STYX: variants seen among roughly 807,000 people sequenced by gnomAD.
STYX encodes the protein serine/threonine/tyrosine-interacting protein.
In STYX, 20 loss-of-function variants were observed where a neutral mutation model predicts 42.7. The observed-to-expected ratio is 0.47, with a 90% confidence interval of 0.33 to 0.68. STYX has a LOEUF of 0.68. STYX is among the 30% of genes least tolerant of loss of function. The pLI, the probability that STYX is intolerant of heterozygous loss-of-function variation, is 0.02. For missense variants in STYX, 226 were observed against 268.5 expected (o/e 0.84, Z 1.11); for synonymous variants, 78 against 81.9 (o/e 0.95, Z 0.26).
chr14:52,740,430 C>T (rs554596591), intron 1 of STYX, among the ~76,000 whole-genome samples: 15 of 152,126 alleles, frequency 9.9e-5, no homozygotes, highest in East Asian at 3.9e-4. Context: ...GTATGTTTGC[C>T]GTAAAGTTCA....
At chr14:52,732,308 C>T (rs1880759768) in intron 1 of STYX, among the ~76,000 whole-genome samples, 1 of 148,446 alleles carries the variant, frequency 6.7e-6, no homozygotes, top group African/African-American at 2.5e-5. Flanking sequence ...ACTCTGTCGC[C>T]CAGGCTGGAA....
intron 1 of STYX, among the ~76,000 whole-genome samples, chr14:52,734,068 C>T (rs759846326): frequency 6.6e-6 from 1 of 152,130 alleles, no homozygotes; most frequent in African/African-American, 2.4e-5. Flanking sequence ...TTGTGGACAG[C>T]GACCATTCAG....
intron 1 of STYX, among the ~76,000 whole-genome samples, chr14:52,739,632 CT>C (rs58454717): frequency 0.28 from 18,761 of 66,222 alleles, 843 homozygotes; most frequent in Middle Eastern, 0.38. Flanking sequence ...TCCTTTCTTT[CT>C]TTTTTTTTTT....
intron 1 of STYX, among the ~76,000 whole-genome samples, chr14:52,736,907 A>T (rs995229784): frequency 1.1e-4 from 16 of 152,290 alleles, no homozygotes; most frequent in African/African-American, 3.9e-4. Flanking sequence ...CTTTGATTTA[A>T]GCAAAGCTCA....
chr14:52,755,120 T>TG lies in STYX; in HGVS notation c.243-1430dup, dbSNP rs201987189. Among the ~76,000 whole-genome samples the TG allele has an allele frequency of 1.2e-4, 14 of 112,296 alleles. No homozygotes were observed. In the East Asian group the frequency reaches 4.2e-3, roughly 33 times the overall value. 73.7% of individuals were successfully genotyped at this position (112,296 alleles called of 152,430 possible). On this transcript the variant is annotated intron_variant, in intron 4 of 10. Coordinates refer to ENST00000354586, the MANE Select transcript of STYX (RefSeq NM_145251.4). ...CTGTGTTTTTTTTTGTTTGTTTTTTTGTTTTTTTTTTTTTGTTTTTGAAAC... is the reference window on the plus strand; with the variant it reads ...CTGTGTTTTTTTTTGTTTGTTTTTTTGGTTTTTTTTTTTTTGTTTTTGAAAC...
rs767875662 is a variant in STYX, at chr14:52,750,686, C to T, written c.148C>T (p.Pro50Ser). 6.4e-7 allele frequency: 1 copy of T among 1,556,134 alleles called. No individual in the cohort carries two copies. Among genetic ancestry groups the T allele is most frequent in the East Asian group, 2.3e-5 (1 of 42,780 alleles). Residue 50 changes from proline to serine, a missense_variant, in exon 4 of 11, where the codon CCT (proline) becomes TCT (serine). By Grantham distance (74) the Pro-to-Ser change is moderately conservative. Transcript: ENST00000354586. Reference protein sequence around the residue: ...PYSSAMKSKLPVLQKHGITHI... With the variant: ...PYSSAMKSKLSVLQKHGITHI... ...CCCTGCTTTTTTTTTTATACAGCTA[C>T]CTGTACTACAGAAACATGGAATAAC...
chr14:52,757,251 G>T lies in STYX; in HGVS notation c.304-68G>T, dbSNP rs989402366. 1.2e-5 allele frequency: 15 copies of T among 1,228,612 alleles called. No individual in the cohort carries two copies. The African/African-American group carries it at 1.7e-4, about 14-fold the overall frequency. The allele number at this position is 1,228,612 out of a possible 1,614,324, so 76.1% of individuals were successfully genotyped here. Reference sequence around the variant, plus strand: ...TAAATTAGGAAATTGTTTTCAATAGGTTTCATTTTGTTTCATTATATGCAT... The same window carrying T: ...TAAATTAGGAAATTGTTTTCAATAGTTTTCATTTTGTTTCATTATATGCAT... On this transcript the variant is annotated intron_variant, in intron 5 of 10. Transcript: ENST00000354586.
intron 8 of STYX, among the ~76,000 whole-genome samples, chr14:52,758,503 T>G (rs1881963166): frequency 6.6e-6 from 1 of 152,198 alleles, no homozygotes; most frequent in Admixed American, 6.5e-5. Flanking sequence ...TCAGTCCCCT[T>G]TTATATCTAA....
At chr14:52,770,866 T>C (rs1264441169) in intron 10 of STYX, among the ~76,000 whole-genome samples, 167 bp from the exon 11 acceptor site, 7 of 152,140 alleles carry the variant, frequency 4.6e-5, no homozygotes, top group African/African-American at 1.2e-4. Context: ...TAAAAAGTTA[T>C]AATATTTAGG....
chr14:52,747,242 A>G (rs1210742245), intron 3 of STYX, among the ~76,000 whole-genome samples: 2 of 152,232 alleles, frequency 1.3e-5, no homozygotes, highest in Non-Finnish European at 2.9e-5. Context: ...TGCCACTTCT[A>G]AAAGATTCAA....
intron 9 of STYX, among the ~76,000 whole-genome samples, chr14:52,764,886 C>T (rs1210503102): frequency 6.6e-6 from 1 of 151,962 alleles, no homozygotes; most frequent in Non-Finnish European, 1.5e-5. Context: ...CCAGGATGGT[C>T]TCGAATTCCT....
chr14:52,753,434 C>T (rs1005513044), intron 4 of STYX, among the ~76,000 whole-genome samples: 32 of 152,210 alleles, frequency 2.1e-4, no homozygotes, highest in Non-Finnish European at 7.4e-5. Flanking sequence ...ATCTGCCCAC[C>T]TCGGCCTCCC....
intron 1 of STYX, among the ~76,000 whole-genome samples, chr14:52,734,362 T>C (rs1377413830): frequency 1.3e-5 from 2 of 152,208 alleles, no homozygotes; most frequent in Non-Finnish European, 2.9e-5. Flanking sequence ...CAACAAATCT[T>C]ATTCAACGGT....
intron 9 of STYX, among the ~76,000 whole-genome samples, chr14:52,762,378 G>C (rs1882129540): frequency 6.6e-6 from 1 of 152,150 alleles, no homozygotes; most frequent in Admixed American, 6.5e-5. Flanking sequence ...GCTAGTTCTA[G>C]TTTTTGAACC....
chr14:52,736,114 C>T (rs535660468), intron 1 of STYX, among the ~76,000 whole-genome samples: 4 of 152,152 alleles, frequency 2.6e-5, no homozygotes, highest in Non-Finnish European at 5.9e-5. Context: ...TTCCACCCCC[C>T]GCCTTCAGAG....
In STYX at chr14:52,747,840, A is replaced by G. The variant is rs992546403; in HGVS notation, c.144+1361A>G. ...AACCCCGTCTCTACTAAAAATACAA[A>G]AATTAGCTGGTTATGGTGGTACACA... is the stretch of plus-strand genomic sequence containing the variant. On this transcript the variant is annotated intron_variant, in intron 3 of 10. Coordinates refer to ENST00000354586, the MANE Select transcript of STYX (RefSeq NM_145251.4). Among the ~76,000 whole-genome samples, 2 of 152,206 alleles carry G rather than the reference A, an allele frequency of 1.3e-5. 1 individual carries two copies. Among genetic ancestry groups the G allele is most frequent in the African/African-American group, 4.8e-5 (2 of 41,444 alleles).
intron 1 of STYX, among the ~76,000 whole-genome samples, chr14:52,741,667 C>T (rs913630050): frequency 6.6e-6 from 1 of 152,072 alleles, no homozygotes; most frequent in Non-Finnish European, 1.5e-5. Flanking sequence ...AACTTCTGAG[C>T]TCAAGTGATC....
rs1177869925 is a variant in STYX, at chr14:52,772,059, T to C, written c.*953T>C. ...CAAAAAAGAAAAGTGCCTTGCATCA[T>C]TTAAAAAAAATAATTAAATCCTCAT... On this transcript the variant is annotated 3_prime_UTR_variant, in exon 11 of 11. Transcript: ENST00000354586. 1.3e-5 allele frequency: 2 copies of C among 152,518 alleles called. No individual in the cohort carries two copies. Among genetic ancestry groups the C allele is most frequent in the Admixed American group, 6.6e-5 (1 of 15,264 alleles). 9.4% of individuals were successfully genotyped at this position (152,518 alleles called of 1,614,324 possible).
At chr14:52,758,279 T>G (rs76309599) in intron 8 of STYX, among the ~76,000 whole-genome samples, 2,636 of 152,324 alleles carry the variant, frequency 0.017, 48 homozygotes, top group South Asian at 0.058. Flanking sequence ...AGGAATTGTT[T>G]GCAGCATCTA....
Sources: gnomAD v4.1 joint callset for allele counts (sites outside exome capture counted in the v4.1 genomes callset) on GRCh38, gnomAD v4.1.1 for gene constraint, MANE v1.5 for transcripts, NCBI Gene and HGNC (gene_info 2026-07-23, HGNC 2026-07-21) for gene names.